The following RNF146 variants were observed in gnomAD, a reference collection of about 807,000 sequenced individuals.
RNF146 encodes the protein E3 ubiquitin-protein ligase RNF146.
RNF146 carries 11 observed loss-of-function variants against 29.7 expected under a neutral mutation model. The observed-to-expected ratio is 0.37, with a 90% CI of 0.23 to 0.61. RNF146 has a LOEUF of 0.61. Among genes scored for constraint, RNF146 ranks in the 20% least tolerant of loss-of-function variants. The probability of loss-of-function intolerance (pLI) is 0.66; values close to 1 mark genes in which losing one functional copy is unlikely to be tolerated. For missense variants in RNF146, 342 were observed against 438.9 expected (o/e 0.78, Z 1.97); for synonymous variants, 150 against 159.7 (o/e 0.94, Z 0.46).
At position 127,287,353 on chromosome 6, in the gene RNF146, T is replaced by C; in HGVS notation, c.740T>C (p.Phe247Ser). 6.2e-7 allele frequency: 1 copy of C among 1,613,498 alleles called. No individual in the cohort carries two copies. ...GCAAGCACTTCTCTGGAAGACTCTT[T>C]TGCTCATTTACAACTCAGTGGAGAC... ...PDASTSLEDS[F>S]AHLQLSGDNT... Residue 247 changes from phenylalanine to serine, a missense_variant, in exon 3 of 3, where the codon TTT (phenylalanine) becomes TCT (serine). Coordinates refer to ENST00000368314, the MANE Select transcript of RNF146 (RefSeq NM_001242850.2).
chr6:127,286,508 G>A lies in RNF146; in HGVS notation c.3-108G>A. 1 of 1,018,434 alleles carries A rather than the reference G, an allele frequency of 9.8e-7. No individual in the cohort carries two copies. Among genetic ancestry groups the A allele is most frequent in the Non-Finnish European group, 1.4e-6 (1 of 708,128 alleles). 63.1% of individuals were successfully genotyped at this position (1,018,434 alleles called of 1,614,324 possible). A position where few individuals can be genotyped will look rare whatever the true frequency, so the allele number is the denominator to read the frequency against. On this transcript the variant is annotated intron_variant, in intron 2 of 2. Transcript: ENST00000368314. This position sits in a 1 kb window ranked among gnomAD's most constrained non-coding sequence, Gnocchi z 4.6. ...TTCATATCCCCATTGTCTAGTATGT[G>A]GCTTGCATATAATGCACATCATAGG...
At chr6:127,267,962 C>A (rs1189971638) in intron 1 of RNF146, among the ~76,000 whole-genome samples, 4 of 152,202 alleles carry the variant, frequency 2.6e-5, no homozygotes, top group Non-Finnish European at 5.9e-5. Context: ...ACCTACAGGA[C>A]TGTAAGTTTA....
intron 2 of RNF146, 126 bp downstream of exon 2, chr6:127,280,466 T>A: frequency 7.4e-7 from 1 of 1,344,598 alleles, no homozygotes; most frequent in Non-Finnish European, 9.8e-7. Flanking sequence ...TCTTTTGACT[T>A]ATAGGTGCTT....
chr6:127,280,325 G>T lies in RNF146; in HGVS notation c.-14G>T. 2 of 1,547,144 alleles carry T rather than the reference G, an allele frequency of 1.3e-6. No homozygotes were observed. Among genetic ancestry groups the T allele is most frequent in the South Asian group, 2.4e-5 (2 of 83,854 alleles). On this transcript the variant is annotated 5_prime_UTR_variant, in exon 2 of 3. Transcript: ENST00000368314. ...TTATTTTTGTGGCAGGCATCTGTGG[G>T]ATCTGTAATAGAAATGTAAGTGTAG...
At chr6:127,283,744 C>A (rs1779187273) in intron 2 of RNF146, among the ~76,000 whole-genome samples, 1 of 151,726 alleles carries the variant, frequency 6.6e-6, no homozygotes, top group Non-Finnish European at 1.5e-5. Context: ...ACTTGATGGG[C>A]TAAACAGAAT....
At chr6:127,276,407 G>T (rs1236992377) in intron 1 of RNF146, among the ~76,000 whole-genome samples, 1 of 151,896 alleles carries the variant, frequency 6.6e-6, no homozygotes, top group East Asian at 1.9e-4. Context: ...GTGAGAGAAA[G>T]GACTTTCTCT....
chr6:127,278,947 T>A (rs1428928177), intron 1 of RNF146, among the ~76,000 whole-genome samples: 1 of 152,012 alleles, frequency 6.6e-6, no homozygotes, highest in Non-Finnish European at 1.5e-5. Flanking sequence ...TTCTTTAAGT[T>A]CTTTACTCAT....
In RNF146 at chr6:127,287,138, G is replaced by T; in HGVS notation, c.525G>T (p.Lys175Asn). The T allele has an allele frequency of 6.2e-7, 1 of 1,613,318 alleles. No individual in the cohort carries two copies. Among genetic ancestry groups the T allele is most frequent in the Non-Finnish European group, 8.5e-7 (1 of 1,179,586 alleles). ...AGCGAGATATAATAGATATACCAAA[G>T]AAGGGAGTAGCTGGACTTAGGCTAG... ...KIKRDIIDIP[K>N]KGVAGLRLDC... Residue 175 changes from lysine to asparagine, a missense_variant, in exon 3 of 3, where the codon AAG becomes AAT. By Grantham distance (94) the Lys-to-Asn change is moderately conservative. Coordinates refer to ENST00000368314, the MANE Select transcript of RNF146 (RefSeq NM_001242850.2).
chr6:127,275,358 A>G (rs1778055319), intron 1 of RNF146, among the ~76,000 whole-genome samples: 1 of 152,130 alleles, frequency 6.6e-6, no homozygotes, highest in South Asian at 2.1e-4. Flanking sequence ...GAACTTAGAT[A>G]TTTTTATGTA....
At chr6:127,270,549 A>T (rs1433636435) in intron 1 of RNF146, among the ~76,000 whole-genome samples, 2 of 152,200 alleles carry the variant, frequency 1.3e-5, no homozygotes, top group African/African-American at 4.8e-5. Flanking sequence ...CTTTGGTTTC[A>T]AATAATGTGG....
chr6:127,273,048 T>G (rs1777715285), intron 1 of RNF146, among the ~76,000 whole-genome samples: 1 of 114,958 alleles, frequency 8.7e-6, no homozygotes, highest in Non-Finnish European at 1.9e-5. Context: ...CCAGGTAATT[T>G]AACTTCTTGT....
At position 127,288,393 on chromosome 6, in the gene RNF146, G is replaced by A. The variant is rs549518877; in HGVS notation, c.*700G>A. ...TGTCTCTTGTTTGAGGGTGGAAAGG[G>A]TGTGGAAACATTTTGACATTTGTGA... On this transcript the variant is annotated 3_prime_UTR_variant, in exon 3 of 3. Coordinates refer to ENST00000368314, the MANE Select transcript of RNF146 (RefSeq NM_001242850.2). 6.0e-6 allele frequency: 1 copy of A among 166,998 alleles called. No homozygotes were observed. Among genetic ancestry groups the A allele is most frequent in the East Asian group, 1.9e-4 (1 of 5,160 alleles). The allele number at this position is 166,998 out of a possible 1,614,324, so 10.3% of individuals were successfully genotyped here.
chr6:127,278,597 A>C (rs1304607757), intron 1 of RNF146, among the ~76,000 whole-genome samples: 1 of 151,986 alleles, frequency 6.6e-6, no homozygotes, highest in Admixed American at 6.6e-5. Flanking sequence ...AGATACTTGA[A>C]TTGTGTCCAC....
rs570633012 is a variant in RNF146, at chr6:127,285,491, A to G, written c.3-1125A>G. ...TATTTCTCAGTCTTTTTTACTTATCAGTGGTTTACTCCATTATTTTCTCCC... is the reference window on the plus strand; with the variant it reads ...TATTTCTCAGTCTTTTTTACTTATCGGTGGTTTACTCCATTATTTTCTCCC... On this transcript the variant is annotated intron_variant, in intron 2 of 2. Transcript: ENST00000368314. 17 of 255,940 alleles carry G rather than the reference A, an allele frequency of 6.6e-5. No homozygotes were observed. The East Asian group carries it at 2.5e-3, about 38-fold the overall frequency. 15.9% of individuals were successfully genotyped at this position (255,940 alleles called of 1,614,324 possible). A position where few individuals can be genotyped will look rare whatever the true frequency, so the allele number is the denominator to read the frequency against.
chr6:127,267,434 A>G (rs897061357), intron 1 of RNF146, among the ~76,000 whole-genome samples: 9 of 152,068 alleles, frequency 5.9e-5, no homozygotes, highest in Non-Finnish European at 1.2e-4. Context: ...CTCGAGGTGT[A>G]GGGGCGGCGA....
chr6:127,267,756 T>C (rs1051808039), intron 1 of RNF146, among the ~76,000 whole-genome samples: 1 of 152,210 alleles, frequency 6.6e-6, no homozygotes, highest in Non-Finnish European at 1.5e-5. Flanking sequence ...CCCTTGAGCC[T>C]CCAAACCCTC....
At chr6:127,271,838 G>A (rs1562279230) in intron 1 of RNF146, among the ~76,000 whole-genome samples, 1 of 151,994 alleles carries the variant, frequency 6.6e-6, no homozygotes. Flanking sequence ...GTAGAAATGG[G>A]GGTCTCACCA....
intron 1 of RNF146, among the ~76,000 whole-genome samples, chr6:127,275,532 T>C (rs1352668150): frequency 6.6e-6 from 1 of 152,106 alleles, no homozygotes; most frequent in Non-Finnish European, 1.5e-5. Flanking sequence ...GACAATTTAC[T>C]AGCTATTTAA....
At chr6:127,275,730 T>C (rs1003053125) in intron 1 of RNF146, among the ~76,000 whole-genome samples, 4 of 152,066 alleles carry the variant, frequency 2.6e-5, no homozygotes, top group African/African-American at 9.7e-5. Context: ...TTCTGTGTAA[T>C]ATATTAAAGA....
Sources: allele counts gnomAD v4.1 joint callset (sites outside exome capture counted in the v4.1 genomes callset), GRCh38; gene constraint gnomAD v4.1.1; non-coding constraint Gnocchi (gnomAD v3.1); transcripts MANE v1.5; gene names NCBI Gene and HGNC (gene_info 2026-07-23, HGNC 2026-07-21).